Variants in LIMK1 observed in about 807,000 individuals in gnomAD.
The protein encoded by LIMK1 is LIM motif-containing protein kinase.
Under a neutral mutation model 77.6 loss-of-function variants are expected in LIMK1, and 21 were observed. That is an observed-to-expected ratio of 0.27 (90% CI 0.19 to 0.39). The LOEUF is 0.39. Among genes scored for constraint, LIMK1 ranks in the 10% least tolerant of loss-of-function variants. The pLI is 1.00. For synonymous variants in LIMK1, 358 were observed against 370.0 expected (o/e 0.97, Z 0.37); for missense variants, 696 against 901.6 (o/e 0.77, Z 2.92).
intron 10 of LIMK1, chr7:74,111,442 A>G (rs76335411): frequency 5.7e-6 from 3 of 523,008 alleles, no homozygotes; most frequent in African/African-American, 3.9e-5. Context: ...CATCTAAAGA[A>G]AAAAAAAAAA....
intron 9 of LIMK1, 82 bp from the exon 10 acceptor site, chr7:74,108,823 G>T: frequency 6.4e-7 from 1 of 1,553,304 alleles, no homozygotes; most frequent in Non-Finnish European, 8.7e-7. Flanking sequence ...ACAGCCCCTG[G>T]TGGGATGGAA....
chr7:74,095,840 C>T (rs1255108455), intron 2 of LIMK1, among the ~76,000 whole-genome samples: 1 of 152,150 alleles, frequency 6.6e-6, no homozygotes, highest in Non-Finnish European at 1.5e-5. Context: ...TACAGCCTGG[C>T]ATTCCTCCCC....
intron 12 of LIMK1, among the ~76,000 whole-genome samples, chr7:74,112,641 CG>C (rs1799724488): frequency 6.6e-6 from 1 of 151,960 alleles, no homozygotes. Context: ...ATGGCTAACA[CG>C]GTGAAACCCC....
chr7:74,085,208 C>T (rs810538), intron 1 of LIMK1, among the ~76,000 whole-genome samples: 133,502 of 152,016 alleles, frequency 0.88, 59,836 homozygotes, highest in Non-Finnish European at 0.96. Context: ...CTGCAGCCCC[C>T]TCCCCTTGCC....
rs1275642960 is a variant in LIMK1, at chr7:74,104,471, C to G, written c.609-1404C>G. On this transcript the variant is annotated intron_variant, in intron 5 of 15. Transcript: ENST00000336180. ...AGAAACCCCATCTGTACTAAAAATA[C>G]AAAATTAGCCAGGCATGGTGGCACA... Among the ~76,000 whole-genome samples, 4 of 151,768 alleles carry G rather than the reference C, an allele frequency of 2.6e-5. No individual in the cohort carries two copies. The East Asian group carries it at 5.8e-4, about 22-fold the overall frequency.
At chr7:74,100,805 G>A (rs1267176025) in intron 5 of LIMK1, among the ~76,000 whole-genome samples, 7 of 149,664 alleles carry the variant, frequency 4.7e-5, no homozygotes, top group Admixed American at 1.3e-4. Context: ...GTGTGGTCTC[G>A]GCTCACTGCA....
intron 2 of LIMK1, chr7:74,093,157 A>G (rs1799270591): frequency 6.6e-7 from 1 of 1,509,650 alleles, no homozygotes; most frequent in Admixed American, 2.1e-5. Flanking sequence ...GCAGCCTCCA[A>G]TCCTGAGCCC....
intron 2 of LIMK1, chr7:74,093,014 C>T: frequency 2.3e-6 from 2 of 874,600 alleles, no homozygotes; most frequent in Non-Finnish European, 3.3e-6. Flanking sequence ...AGATCGCTCG[C>T]TCCCCACCCG....
intron 4 of LIMK1, among the ~76,000 whole-genome samples, chr7:74,098,498 G>A (rs1446609428): frequency 2.6e-5 from 4 of 152,170 alleles, no homozygotes; most frequent in Non-Finnish European, 4.4e-5. Flanking sequence ...TCAGAGGGAC[G>A]AGGGCTGGCT....
chr7:74,111,364 G>A (rs190775114), intron 10 of LIMK1: 281 of 405,580 alleles, frequency 6.9e-4, no homozygotes, highest in Non-Finnish European at 9.2e-4. Context: ...CTTGAGCCCC[G>A]GAGGCGAAGG....
At chr7:74,120,809 C>T (rs1304592635) in intron 14 of LIMK1, 83 bp from the exon 15 acceptor site, 6 of 1,586,816 alleles carry the variant, frequency 3.8e-6, no homozygotes, top group Middle Eastern at 1.7e-4. Flanking sequence ...CCCAGTGCCA[C>T]CTGCCCTCAA....
chr7:74,083,960 GCC>G lies in LIMK1; in HGVS notation c.-28_-27del. Reference sequence around the variant, plus strand: ...GCGGGCCCGGCCGCCCCCAGCCCCAGCCCCGCCGGGCCCCGCCCCCCGTCGAG... The same window carrying G: ...GCGGGCCCGGCCGCCCCCAGCCCCAGCCGCCGGGCCCCGCCCCCCGTCGAG... On this transcript the variant is annotated 5_prime_UTR_variant, in exon 1 of 16. Coordinates refer to ENST00000336180, the MANE Select transcript of LIMK1 (RefSeq NM_002314.4). 1.8e-6 allele frequency: 2 copies of G among 1,108,842 alleles called. No homozygotes were observed. The highest frequency in any genetic ancestry group is 2.4e-6 in the Non-Finnish European group (2 of 847,724). The allele number at this position is 1,108,842 out of a possible 1,614,324, so 68.7% of individuals were successfully genotyped here. A position where few individuals can be genotyped will look rare whatever the true frequency, so the allele number is the denominator to read the frequency against.
In LIMK1 at chr7:74,097,171, A is replaced by G. The variant is rs1413317518; in HGVS notation, c.383A>G (p.Glu128Gly). 3 of 1,610,764 alleles carry G rather than the reference A, an allele frequency of 1.9e-6. No individual in the cohort carries two copies. The highest frequency in any genetic ancestry group is 2.5e-6 in the Non-Finnish European group (3 of 1,178,862). Reference protein sequence around the residue: ...IGDGDTYTLVEHSKLYCGHCY... With the variant: ...IGDGDTYTLVGHSKLYCGHCY... Reference sequence around the variant, plus strand: ...GACGGGGACACCTACACGCTGGTGGAGCACTCCAAGCTGTACTGGTGAGTG... The same window carrying G: ...GACGGGGACACCTACACGCTGGTGGGGCACTCCAAGCTGTACTGGTGAGTG... Residue 128 changes from glutamate (E) to glycine (G), a missense_variant, in exon 4 of 16, where the codon GAG becomes GGG. Around this residue, in one of 3 missense-constraint regions of LIMK1, gnomAD observed 252 missense variants for 279.4 expected, o/e 0.90. Transcript: ENST00000336180.
chr7:74,106,759 CAA>C (rs1183112855), intron 7 of LIMK1, among the ~76,000 whole-genome samples: 23 of 150,512 alleles, frequency 1.5e-4, no homozygotes, highest in African/African-American at 5.6e-4. Context: ...GACTCTGTCT[CAA>C]AAAAAAAGAG....
rs57288378 is a variant in LIMK1 at position 74,114,171 on chromosome 7, C to T, written c.1411-1631C>T. On this transcript the variant is annotated intron_variant, in intron 12 of 15. Transcript: ENST00000336180. ...AGACTGAGGCAGAATTGCTTGAACC[C>T]GGGAGGTGGAGGTTGCTGTGAGCCG... 7.9e-5 allele frequency among the ~76,000 whole-genome samples: 12 copies of T among 151,834 alleles called. No homozygotes were observed. The East Asian group carries it at 1.7e-3, about 22-fold the overall frequency.
At chr7:74,120,489 C>T in intron 13 of LIMK1, 94 bp from the exon 14 acceptor site, 1 of 1,379,914 alleles carries the variant, frequency 7.2e-7, no homozygotes. Flanking sequence ...GACCTCCCGG[C>T]CGGGGCATCC....
At chr7:74,106,985 A>C (rs1563919865) in intron 7 of LIMK1, 25 bp from the exon 8 acceptor site, 1 of 1,544,376 alleles carries the variant, frequency 6.5e-7, no homozygotes, top group Admixed American at 1.9e-5. Flanking sequence ...CCCCGGTGGC[A>C]CTTGGCACCA....
intron 5 of LIMK1, among the ~76,000 whole-genome samples, chr7:74,104,310 C>A (rs1799523654): frequency 6.6e-6 from 1 of 151,912 alleles, no homozygotes. Flanking sequence ...AGGGCAGAGA[C>A]AAAGTGAGCA....
chr7:74,107,500 A>G (rs1285021059), intron 8 of LIMK1, among the ~76,000 whole-genome samples: 1 of 152,202 alleles, frequency 6.6e-6, no homozygotes, highest in Non-Finnish European at 1.5e-5. Context: ...ATTCAAGACC[A>G]GCCTTGACAT....
Sources: gnomAD v4.1 joint callset for allele counts (sites outside exome capture counted in the v4.1 genomes callset) on GRCh38, gnomAD v4.1.1 for gene constraint, gnomAD v4.1.1 regional missense constraint, MANE v1.5 for transcripts, NCBI Gene and HGNC (gene_info 2026-07-23, HGNC 2026-07-21) for gene names.